The following CEP162 variants were observed in gnomAD, a reference collection of about 807,000 sequenced individuals.
The protein encoded by CEP162 is centrosomal protein of 162 kDa.
Under a neutral mutation model 169.2 loss-of-function variants are expected in CEP162, and 141 were observed. The observed-to-expected ratio is 0.83, with a 90% confidence interval of 0.73 to 0.96. The LOEUF is 0.96. Among genes scored for constraint, CEP162 ranks in the 40% least tolerant of loss-of-function variants. The pLI is 0.00. For missense variants in CEP162, 1,600 were observed against 1,587.2 expected, an observed-to-expected ratio of 1.01 and a Z score of -0.14; for synonymous variants, 540 against 526.4, an observed-to-expected ratio of 1.03 and a Z score of -0.35.
In CEP162 at chr6:84,155,446, G is replaced by A. The variant is rs2099522798; in HGVS notation, c.2846C>T (p.Ala949Val). The change falls in exon 22 of 27, where the codon GCT becomes GTT. Residue 949 changes from alanine (A) to valine (V), a missense_variant. By Grantham distance (64) the Ala-to-Val change is moderately conservative (BLOSUM62 0). Coordinates refer to ENST00000403245, the MANE Select transcript of CEP162 (RefSeq NM_014895.4). ...YPNSLPALIL[A>V]ASAAGDTVDK... Reference sequence around the variant, plus strand: ...CACTGTATCACCAGCTGCTGATGCAGCCAATATTAAAGCAGGTAAAGAATT... The same window carrying A: ...CACTGTATCACCAGCTGCTGATGCAACCAATATTAAAGCAGGTAAAGAATT... 1 of 1,613,056 alleles carries A rather than the reference G, an allele frequency of 6.2e-7. No individual in the cohort carries two copies. Among genetic ancestry groups the A allele is most frequent in the Non-Finnish European group, 8.5e-7 (1 of 1,179,328 alleles).
Position 84,226,387 on chromosome 6 carries a change from T to TA in CEP162, c.6dup (p.Asn3Ter). 6.4e-7 allele frequency: 1 copy of TA among 1,568,780 alleles called. No homozygotes were observed. Among genetic ancestry groups the TA allele is most frequent in the Middle Eastern group, 1.7e-4 (1 of 6,008 alleles). On this transcript the variant is annotated frameshift_variant, in exon 2 of 27. Transcript: ENST00000403245. LOFTEE classifies it high-confidence loss of function. Reference sequence around the variant, plus strand: ...TCATCTAGCTCTTCTTGGGAACAGTTAGCCATAGTCAACAATTTTGACCTC... The same window carrying TA: ...TCATCTAGCTCTTCTTGGGAACAGTTAAGCCATAGTCAACAATTTTGACCTC...
chr6:84,135,364 T>G (rs2099513567), intron 25 of CEP162, among the ~76,000 whole-genome samples: 1 of 152,194 alleles, frequency 6.6e-6, no homozygotes. Context: ...GAAGATGCTT[T>G]CTTACTGGAG....
chr6:84,163,001 A>G, intron 19 of CEP162, 143 bp downstream of exon 19: 1 of 742,636 alleles, frequency 1.3e-6, no homozygotes, highest in Non-Finnish European at 2.1e-6. Flanking sequence ...ATCTTTTAAT[A>G]ACTAATTTTA....
rs755831600 is a variant in CEP162 at position 84,185,226 on chromosome 6, A to C, written c.1624T>G (p.Leu542Val). The C allele has an allele frequency of 3.1e-6, 5 of 1,613,044 alleles. No individual in the cohort carries two copies. The highest frequency in any genetic ancestry group is 1.7e-5 in the Admixed American group (1 of 59,970). ...TSEDIIKSKN[L>V]RSISTSNQPR... ...TGATTGGAGGTAGAAATCGATCTCA[A>C]GTTTTTGCTTTTTATAATGTCCTCT... The change falls in exon 13 of 27, where the codon TTG becomes GTG. Residue 542 changes from leucine (L) to valine (V), a missense_variant. Leu to Val is a conservative substitution (Grantham distance 32, BLOSUM62 1). Transcript: ENST00000403245.
chr6:84,209,062 G>C (rs2127742251), intron 6 of CEP162, among the ~76,000 whole-genome samples: 1 of 152,198 alleles, frequency 6.6e-6, no homozygotes, highest in East Asian at 1.9e-4. Context: ...GTGTGTGACT[G>C]CATAAAGAAA....
intron 6 of CEP162, among the ~76,000 whole-genome samples, chr6:84,210,355 C>T (rs1353762141): frequency 1.3e-5 from 2 of 152,120 alleles, no homozygotes; most frequent in African/African-American, 4.8e-5. Context: ...TTCTCCTCTG[C>T]CATGTTGGAG....
chr6:84,222,026 G>GA (rs2099553917), intron 2 of CEP162, among the ~76,000 whole-genome samples: 1 of 150,510 alleles, frequency 6.6e-6, no homozygotes, highest in East Asian at 1.9e-4. Flanking sequence ...ATTGCGGAAT[G>GA]AAAAAATGAG....
chr6:84,201,750 GC>G lies in CEP162; in HGVS notation c.704del (p.Gly235AlafsTer12). The G allele has an allele frequency of 7.4e-7, 1 of 1,344,806 alleles. No individual in the cohort carries two copies. Among genetic ancestry groups the G allele is most frequent in the Non-Finnish European group, 1.0e-6 (1 of 973,666 alleles). 83.3% of individuals were successfully genotyped at this position (1,344,806 alleles called of 1,614,324 possible). A position where few individuals can be genotyped will look rare whatever the true frequency, so the allele number is the denominator to read the frequency against. On this transcript the variant is annotated frameshift_variant, in exon 8 of 27. Coordinates refer to ENST00000403245, the MANE Select transcript of CEP162 (RefSeq NM_014895.4). LOFTEE classifies it high-confidence loss of function. Reference protein sequence around the residue: ...SVPKQEEEKTGMLANVVLLDS... With the variant: ...SVPKQEEEKTXMLANVVLLDS... ...AATAATATTTACCATTAGCAAGCATGCCAGTTTTTTCTTCTTCCTAAATTAA... is the reference window on the plus strand; with the variant it reads ...AATAATATTTACCATTAGCAAGCATGCAGTTTTTTCTTCTTCCTAAATTAA...
At chr6:84,147,466 CG>C (rs2099519385) in intron 24 of CEP162, among the ~76,000 whole-genome samples, 1 of 151,954 alleles carries the variant, frequency 6.6e-6, no homozygotes, top group African/African-American at 2.4e-5. Flanking sequence ...GTGTATTTCA[CG>C]GTAACTAGAA....
At chr6:84,201,460 AG>A (rs34168651) in intron 8 of CEP162, among the ~76,000 whole-genome samples, 4,530 of 152,288 alleles carry the variant, frequency 0.03, 86 homozygotes, top group Middle Eastern at 0.051. Flanking sequence ...TGTAGAAGAC[AG>A]TAGGCTAACA....
chr6:84,180,260 T>C (rs1167804830), intron 13 of CEP162, among the ~76,000 whole-genome samples: 1 of 152,150 alleles, frequency 6.6e-6, no homozygotes, highest in African/African-American at 2.4e-5. Context: ...ATTATCTCAA[T>C]AGATGTAGAA....
At chr6:84,219,571 C>A (rs1465113039) in intron 3 of CEP162, among the ~76,000 whole-genome samples, 2 of 152,156 alleles carry the variant, frequency 1.3e-5, no homozygotes. Context: ...CCTTTTCAAG[C>A]ATTAAAAGCA....
intron 3 of CEP162, among the ~76,000 whole-genome samples, chr6:84,216,578 A>G (rs1489732999): frequency 6.6e-6 from 1 of 152,176 alleles, no homozygotes; most frequent in East Asian, 1.9e-4. Flanking sequence ...AATTTTCTCT[A>G]AGGCTAATAT....
chr6:84,192,739 A>T (rs1223814610), intron 11 of CEP162, among the ~76,000 whole-genome samples: 2 of 152,240 alleles, frequency 1.3e-5, no homozygotes, highest in Non-Finnish European at 2.9e-5. Context: ...CTGACAATGT[A>T]AGTGGTTAAG....
rs143441848 is a variant in CEP162 at position 84,163,300 on chromosome 6, G to C, written c.2386-30C>G. 5.4e-4 allele frequency: 824 copies of C among 1,522,700 alleles called. 6 individuals are homozygous for C. In the African/African-American group the frequency reaches 9.9e-3, roughly 18 times the overall value. The allele number at this position is 1,522,700 out of a possible 1,614,324, so 94.3% of individuals were successfully genotyped here. A position where few individuals can be genotyped will look rare whatever the true frequency, so the allele number is the denominator to read the frequency against. On this transcript the variant is annotated intron_variant, in intron 18 of 26. Transcript: ENST00000403245. ...ATATTCAAAAGAAATATAAAAGCAA[G>C]TTTTTTACAACCACAATAAATTGTG...
chr6:84,156,044 G>A (rs563793529), intron 21 of CEP162, among the ~76,000 whole-genome samples: 3 of 152,098 alleles, frequency 2.0e-5, no homozygotes, highest in East Asian at 3.9e-4. Context: ...TAGATCAATG[G>A]AACAGAATAG....
chr6:84,160,441 T>TGG (rs2099525295), intron 21 of CEP162, among the ~76,000 whole-genome samples: 1 of 152,140 alleles, frequency 6.6e-6, no homozygotes, highest in South Asian at 2.1e-4. Context: ...ATTACCAGCA[T>TGG]GTTCCCAACT....
intron 13 of CEP162, among the ~76,000 whole-genome samples, chr6:84,181,611 G>A (rs1326377575): frequency 2.0e-5 from 3 of 152,016 alleles, no homozygotes; most frequent in Non-Finnish European, 2.9e-5. Context: ...TGGAACCCAC[G>A]AAACCTTCTT....
chr6:84,190,050 C>T (rs997892996), intron 11 of CEP162, among the ~76,000 whole-genome samples: 3 of 151,412 alleles, frequency 2.0e-5, no homozygotes, highest in Non-Finnish European at 2.9e-5. Flanking sequence ...GTGACTGCAC[C>T]AATCAACACT....
Sources: gnomAD v4.1 joint callset for allele counts (sites outside exome capture counted in the v4.1 genomes callset) on GRCh38, gnomAD v4.1.1 for gene constraint, MANE v1.5 for transcripts, NCBI Gene and HGNC (gene_info 2026-07-23, HGNC 2026-07-21) for gene names.